Variants in MANBA observed in about 807,000 individuals in gnomAD.
The protein encoded by MANBA is mannosidase beta.
Under a neutral mutation model 111.1 loss-of-function variants are expected in MANBA, and 83 were observed. The ratio of observed to expected loss-of-function variants is 0.75; its 90% confidence interval spans 0.63 to 0.90. The LOEUF is 0.90. Among genes scored for constraint, MANBA ranks in the 40% least tolerant of loss-of-function variants. MANBA has a pLI of 0.00. For missense variants in MANBA, 1,036 were observed against 1,069.0 expected (o/e 0.97, Z 0.43); for synonymous variants, 370 against 378.7 (o/e 0.98, Z 0.27).
intron 1 of MANBA, among the ~76,000 whole-genome samples, chr4:102,746,820 A>C (rs1190155189): frequency 2.6e-4 from 39 of 152,052 alleles, no homozygotes; most frequent in Admixed American, 2.6e-3. Flanking sequence ...AAAATACAAA[A>C]AATTAGCTGG....
At chr4:102,658,487 C>A (rs1302189490) in intron 11 of MANBA, among the ~76,000 whole-genome samples, 42 of 152,256 alleles carry the variant, frequency 2.8e-4, no homozygotes, top group Non-Finnish European at 2.9e-5. Context: ...CAAATCTGAA[C>A]CTTATTATTT....
At chr4:102,656,605 G>A (rs1578874706) in intron 12 of MANBA, among the ~76,000 whole-genome samples, 1 of 152,066 alleles carries the variant, frequency 6.6e-6, no homozygotes, top group East Asian at 1.9e-4. Context: ...TTGAAAACAT[G>A]TATTCACACA....
Position 102,686,190 on chromosome 4 carries a change from A to ATGTGTGTGTG in MANBA, c.960+3374_960+3383dup, listed in dbSNP as rs34832646. On this transcript the variant is annotated intron_variant, in intron 7 of 16. Coordinates refer to ENST00000647097, the MANE Select transcript of MANBA (RefSeq NM_005908.4). ...GGAAATGTGTGAAAAGAACTAGGAA[A>ATGTGTGTGTG]TGTGTGTGTGTGTGTGTGTGTCTAC... 5.2e-4 allele frequency among the ~76,000 whole-genome samples: 79 copies of ATGTGTGTGTG among 150,504 alleles called. 1 individual carries two copies. The highest frequency in any genetic ancestry group is 3.0e-3 in the South Asian group (14 of 4,722).
Position 102,635,917 on chromosome 4 carries a change from A to C in MANBA, c.2105T>G (p.Phe702Cys), listed in dbSNP as rs1398666944. The C allele has an allele frequency of 6.2e-7, 1 of 1,611,522 alleles. No individual in the cohort carries two copies. The highest frequency in any genetic ancestry group is 1.7e-5 in the Admixed American group (1 of 60,030). ...LPVGFENENT[F>C]YIYGVSDLHS... ...AAGATCTGACACACCATAGATATAG[A>C]ACGTGTTTTCATTCTCAAAGCCTAC... Residue 702 changes from phenylalanine (F) to cysteine (C), a missense_variant, in exon 15 of 17, where the codon TTC (phenylalanine) becomes TGC (cysteine). Transcript: ENST00000647097.
intron 4 of MANBA, among the ~76,000 whole-genome samples, chr4:102,721,256 G>A (rs557732272): frequency 1.3e-5 from 2 of 152,108 alleles, no homozygotes; most frequent in Admixed American, 6.5e-5. Flanking sequence ...CACGGGAGGC[G>A]GAGGTTGCAG....
chr4:102,646,101 A>G (rs574542795), intron 13 of MANBA, among the ~76,000 whole-genome samples: 1 of 152,190 alleles, frequency 6.6e-6, no homozygotes, highest in Admixed American at 6.6e-5. Flanking sequence ...TCTGGAGATA[A>G]TGTGAGAATT....
chr4:102,750,893 A>G (rs1455837129), intron 1 of MANBA, among the ~76,000 whole-genome samples: 1 of 152,174 alleles, frequency 6.6e-6, no homozygotes, highest in Non-Finnish European at 1.5e-5. Context: ...AGCCTGGGTG[A>G]CAGAGTAATA....
chr4:102,651,144 C>T (rs1730314389), intron 12 of MANBA, among the ~76,000 whole-genome samples: 1 of 151,800 alleles, frequency 6.6e-6, no homozygotes, highest in Admixed American at 6.6e-5. Flanking sequence ...GAATAAAACA[C>T]CTATTACACT....
chr4:102,643,266 A>G (rs532374148), intron 13 of MANBA, among the ~76,000 whole-genome samples: 1 of 152,212 alleles, frequency 6.6e-6, no homozygotes, highest in Non-Finnish European at 1.5e-5. Context: ...ATTTTATTGT[A>G]TGGAGATGCT....
chr4:102,631,937 C>T lies in MANBA; in HGVS notation c.*120G>A, dbSNP rs574682336. 3.0e-5 allele frequency: 26 copies of T among 865,744 alleles called. No individual in the cohort carries two copies. Among genetic ancestry groups the T allele is most frequent in the Middle Eastern group, 6.6e-4 (2 of 3,038 alleles). 53.6% of individuals were successfully genotyped at this position (865,744 alleles called of 1,614,324 possible). A position where few individuals can be genotyped will look rare whatever the true frequency, so the allele number is the denominator to read the frequency against. The stretch of plus-strand genomic sequence containing the variant: ...TCTTCACAGAGCAATCGCTCAAATG[C>T]GTGGCAGCACGCAGACATGTCTCTC... On this transcript the variant is annotated 3_prime_UTR_variant, in exon 17 of 17. Transcript: ENST00000647097.
intron 16 of MANBA, among the ~76,000 whole-genome samples, chr4:102,632,834 A>T (rs1290050052): frequency 6.6e-6 from 1 of 152,264 alleles, no homozygotes; most frequent in Non-Finnish European, 1.5e-5. Context: ...ACAAAATAGC[A>T]GCAAAAAGAG....
intron 1 of MANBA, among the ~76,000 whole-genome samples, chr4:102,751,002 TTGAAGCCAGG>T (rs1723769762): frequency 6.6e-6 from 1 of 152,366 alleles, no homozygotes. Context: ...ATTGATCATG[TTGAAGCCAGG>T]TGATGGATAC....
In MANBA at chr4:102,639,848, C is replaced by A; in HGVS notation, c.1879G>T (p.Ala627Ser). Residue 627 changes from alanine to serine, a missense_variant, in exon 14 of 17, where the codon GCC becomes TCC. Transcript: ENST00000647097. ...TCAGTTTCTGTTTTGACACACTGGG[C>A]CTGCATCACCTGATTCAGGAAAACA... ...DTIYLTQVMQ[A>S]QCVKTETEFY... 6.2e-7 allele frequency: 1 copy of A among 1,613,990 alleles called. No homozygotes were observed. Among genetic ancestry groups the A allele is most frequent in the Non-Finnish European group, 8.5e-7 (1 of 1,179,956 alleles).
chr4:102,730,954 C>T (rs532488382), intron 1 of MANBA, among the ~76,000 whole-genome samples: 5 of 152,220 alleles, frequency 3.3e-5, no homozygotes, highest in African/African-American at 7.2e-5. Flanking sequence ...ACATCTCACA[C>T]GCTCCACCTC....
intron 7 of MANBA, among the ~76,000 whole-genome samples, chr4:102,674,820 CAA>C (rs1055946178): frequency 2.0e-5 from 3 of 152,178 alleles, no homozygotes; most frequent in Admixed American, 1.3e-4. Flanking sequence ...TAAATTGGAT[CAA>C]GTTTATATAA....
At position 102,664,749 on chromosome 4, in the gene MANBA, C is replaced by A. The variant is rs779506935; in HGVS notation, c.1421G>T (p.Arg474Leu). 6.2e-7 allele frequency: 1 copy of A among 1,612,818 alleles called. No individual in the cohort carries two copies. Residue 474 changes from arginine to leucine, a missense_variant, in exon 11 of 17, where the codon CGG (arginine) becomes CTG (leucine). Arg to Leu is a moderately radical substitution (Grantham distance 102). Coordinates refer to ENST00000647097, the MANE Select transcript of MANBA (RefSeq NM_005908.4). ...MNWYHISFTD[R>L]PIYIKDYVTL... Reference sequence around the variant, plus strand: ...CACATAGTCCTTGATGTAGATTGGCCGGTCAGTGAAACTGATATGATACCA... The same window carrying A: ...CACATAGTCCTTGATGTAGATTGGCAGGTCAGTGAAACTGATATGATACCA...
intron 5 of MANBA, among the ~76,000 whole-genome samples, chr4:102,710,791 C>A (rs1209098293): frequency 3.3e-5 from 5 of 152,026 alleles, no homozygotes; most frequent in Non-Finnish European, 7.4e-5. Context: ...CAGAAATAAA[C>A]CAACTTATTA....
Position 102,631,954 on chromosome 4 carries a change from A to T in MANBA, c.*103T>A. ...CTCAAATGCGTGGCAGCACGCAGAC[A>T]TGTCTCTCGGCTTCTCTCCTTGTCT... On this transcript the variant is annotated 3_prime_UTR_variant, in exon 17 of 17. Transcript: ENST00000647097. 1.0e-6 allele frequency: 1 copy of T among 992,184 alleles called. No individual in the cohort carries two copies. Among genetic ancestry groups the T allele is most frequent in the South Asian group, 1.3e-5 (1 of 76,150 alleles). The allele number at this position is 992,184 out of a possible 1,614,324, so 61.5% of individuals were successfully genotyped here. A position where few individuals can be genotyped will look rare whatever the true frequency, so the allele number is the denominator to read the frequency against.
intron 1 of MANBA, among the ~76,000 whole-genome samples, chr4:102,732,432 C>T (rs1723064513): frequency 6.6e-6 from 1 of 152,232 alleles, no homozygotes; most frequent in East Asian, 1.9e-4. Context: ...CTAAGTTCCA[C>T]ACAGGTAAGA....
Sources: allele counts gnomAD v4.1 joint callset (sites outside exome capture counted in the v4.1 genomes callset), GRCh38; gene constraint gnomAD v4.1.1; transcripts MANE v1.5; gene names NCBI Gene and HGNC (gene_info 2026-07-23, HGNC 2026-07-21).